DPP10: variants seen among roughly 807,000 people sequenced by gnomAD.
DPP10 encodes dipeptidyl peptidase like 10, also known as inactive dipeptidyl peptidase 10.
In DPP10, 33 loss-of-function variants were observed where a neutral mutation model predicts 120.9. That is an observed-to-expected ratio of 0.27 (90% CI 0.21 to 0.37). The LOEUF is 0.37. Among genes scored for constraint, DPP10 ranks in the 10% least tolerant of loss-of-function variants. The probability of loss-of-function intolerance (pLI) is 1.00; values close to 1 mark genes in which losing one functional copy is unlikely to be tolerated. For missense variants in DPP10, 816 were observed against 942.8 expected (o/e 0.87, Z 1.76); for synonymous variants, 337 against 326.1 (o/e 1.03, Z -0.36).
intron 1 of DPP10, among the ~76,000 whole-genome samples, chr2:115,019,900 G>A (rs1244934142): frequency 6.6e-6 from 1 of 152,174 alleles, no homozygotes; most frequent in Admixed American, 6.5e-5. Context: ...CAAAAATTTT[G>A]TATCCAGTGA....
intron 1 of DPP10, among the ~76,000 whole-genome samples, chr2:114,463,094 G>A (rs1679062838): frequency 6.6e-6 from 1 of 152,010 alleles, no homozygotes; most frequent in African/African-American, 2.4e-5. Context: ...CTTGGTGCTG[G>A]GTGTGCTGGT....
intron 5 of DPP10, among the ~76,000 whole-genome samples, chr2:115,672,298 A>G (rs1244270073): frequency 1.3e-5 from 2 of 152,150 alleles, no homozygotes; most frequent in South Asian, 2.1e-4. Flanking sequence ...ATATTTCATT[A>G]GCAGACACAC....
intron 1 of DPP10, among the ~76,000 whole-genome samples, chr2:115,213,942 G>A (rs1047152944): frequency 6.6e-6 from 1 of 151,456 alleles, no homozygotes; most frequent in South Asian, 2.1e-4. Flanking sequence ...ATAGAGGCAG[G>A]ATTTATGGAT....
intron 1 of DPP10, among the ~76,000 whole-genome samples, chr2:114,866,743 A>C (rs1023943032): frequency 3.9e-5 from 6 of 152,230 alleles, no homozygotes; most frequent in African/African-American, 1.4e-4. Flanking sequence ...CAGTAAATTT[A>C]CTATGCAGCA....
chr2:114,570,621 C>T (rs1023208820), intron 1 of DPP10, among the ~76,000 whole-genome samples: 2 of 151,016 alleles, frequency 1.3e-5, no homozygotes, highest in East Asian at 3.9e-4. Flanking sequence ...GTCAGGAGAT[C>T]GAGACCATCC....
At position 114,526,012 on chromosome 2, in the gene DPP10, G is replaced by A. The variant is rs183795868; in HGVS notation, c.60+83174G>A. On this transcript the variant is annotated intron_variant, in intron 1 of 25. Coordinates refer to ENST00000410059, the MANE Select transcript of DPP10 (RefSeq NM_020868.6). ...AATATGAGCATAATACAAGGAAATCGATAAGGTTAGGAATCTTCACACGTT... is the reference window on the plus strand; with the variant it reads ...AATATGAGCATAATACAAGGAAATCAATAAGGTTAGGAATCTTCACACGTT... Among the ~76,000 whole-genome samples, 25 of 152,274 alleles carry A rather than the reference G, an allele frequency of 1.6e-4. No homozygotes were observed. The East Asian group carries it at 3.9e-3, about 24-fold the overall frequency.
intron 1 of DPP10, among the ~76,000 whole-genome samples, chr2:114,849,064 CA>C (rs989732351): frequency 2.6e-5 from 4 of 152,160 alleles, no homozygotes; most frequent in African/African-American, 9.7e-5. Context: ...AGACATTTTA[CA>C]ATAGTGGCTG....
chr2:115,183,310 T>C (rs2054208515), intron 1 of DPP10, among the ~76,000 whole-genome samples: 1 of 152,158 alleles, frequency 6.6e-6, no homozygotes, highest in Admixed American at 6.5e-5. Flanking sequence ...TCCAAACTGG[T>C]TGTGACCTGT....
At chr2:115,309,648 T>G (rs1292653883) in intron 2 of DPP10, among the ~76,000 whole-genome samples, 11 of 152,060 alleles carry the variant, frequency 7.2e-5, no homozygotes. Context: ...GTTTGATAAA[T>G]GCAGAAGACA....
At chr2:114,620,136 A>G (rs1323112809) in intron 1 of DPP10, among the ~76,000 whole-genome samples, 1 of 151,980 alleles carries the variant, frequency 6.6e-6, no homozygotes, top group Non-Finnish European at 1.5e-5. Context: ...GGCAGAAATT[A>G]TGTGTTGTTA....
chr2:114,541,643 A>G (rs1686963227), intron 1 of DPP10, among the ~76,000 whole-genome samples: 1 of 152,246 alleles, frequency 6.6e-6, no homozygotes, highest in Non-Finnish European at 1.5e-5. Context: ...AATGACTAAC[A>G]GGGAAGAAAT....
chr2:115,352,569 C>G (rs2064105005), intron 3 of DPP10, among the ~76,000 whole-genome samples: 1 of 152,102 alleles, frequency 6.6e-6, no homozygotes, highest in Non-Finnish European at 1.5e-5. Context: ...ATCTATCCAA[C>G]ATGTATTGAA....
chr2:114,871,848 C>A (rs1690713112), intron 1 of DPP10, among the ~76,000 whole-genome samples: 1 of 152,120 alleles, frequency 6.6e-6, no homozygotes, highest in Non-Finnish European at 1.5e-5. Context: ...CCATCACTTG[C>A]ATTACTGCCT....
Position 115,318,296 on chromosome 2 carries a change from C to T in DPP10, c.175+8943C>T, listed in dbSNP as rs114097642. Among the ~76,000 whole-genome samples, 440 of 152,184 alleles carry T rather than the reference C, an allele frequency of 2.9e-3. 2 individuals are homozygous for T. The highest frequency in any genetic ancestry group is 4.7e-3 in the Non-Finnish European group (321 of 67,942). ...TTACTTCATTCATCTCTATATCTGT[C>T]CTCATGCTGGTACTGCATTGTTTGG... On this transcript the variant is annotated intron_variant, in intron 2 of 25. Transcript: ENST00000410059.
intron 1 of DPP10, among the ~76,000 whole-genome samples, chr2:115,011,437 A>G (rs565533476): frequency 1.2e-4 from 19 of 152,206 alleles, no homozygotes; most frequent in Admixed American, 6.5e-4. Context: ...TTTTTGACCC[A>G]TGTATTTTTC....
intron 1 of DPP10, among the ~76,000 whole-genome samples, chr2:114,485,724 C>A (rs1456356297): frequency 6.6e-6 from 1 of 152,070 alleles, no homozygotes; most frequent in East Asian, 1.9e-4. Flanking sequence ...TCTCCTCCTC[C>A]TTTTCTTTTC....
chr2:115,609,183 A>T (rs2083913109), intron 5 of DPP10, among the ~76,000 whole-genome samples: 1 of 152,196 alleles, frequency 6.6e-6, no homozygotes, highest in Admixed American at 6.5e-5. Context: ...ACATTAGAAG[A>T]CATTAAATAA....
At chr2:114,912,487 C>A (rs1366385650) in intron 1 of DPP10, among the ~76,000 whole-genome samples, 1 of 151,970 alleles carries the variant, frequency 6.6e-6, no homozygotes, top group Admixed American at 6.6e-5. Context: ...AAAAACTTAG[C>A]ACTGTGAGAA....
chr2:115,488,875 T>A (rs1488205661), intron 3 of DPP10, among the ~76,000 whole-genome samples: 4 of 34,098 alleles, frequency 1.2e-4, no homozygotes, highest in Admixed American at 5.2e-4. Flanking sequence ...AAACTTAGAG[T>A]ATAATAAAAA....
Sources: gnomAD v4.1 joint callset for allele counts (sites outside exome capture counted in the v4.1 genomes callset) on GRCh38, gnomAD v4.1.1 for gene constraint, MANE v1.5 for transcripts, NCBI Gene and HGNC (gene_info 2026-07-23, HGNC 2026-07-21) for gene names.